Variants in THG1L observed in about 807,000 individuals in gnomAD.
THG1L encodes the protein probable tRNA(His) guanylyltransferase.
A neutral mutation model predicts 35.2 loss-of-function variants in THG1L; 27 were observed. The ratio of observed to expected loss-of-function variants is 0.77; its 90% CI spans 0.57 to 1.06. The LOEUF (loss-of-function observed/expected upper bound fraction) is 1.06, where lower values mean the gene tolerates loss of function less well. Ranked by LOEUF, THG1L falls within the 50% of genes least tolerant of loss-of-function variation. The pLI, the probability that THG1L is intolerant of heterozygous loss-of-function variation, is 0.00. For missense variants in THG1L, 377 were observed against 371.8 expected (o/e 1.01, Z -0.12); for synonymous variants, 135 against 132.4 (o/e 1.02, Z -0.14).
chr5:157,738,695 CT>C (rs1372276054), intron 5 of THG1L: 3 of 419,304 alleles, frequency 7.2e-6, no homozygotes, highest in African/African-American at 4.2e-5. Flanking sequence ...AACATTTATT[CT>C]TTGGTACAGA....
intron 5 of THG1L, among the ~76,000 whole-genome samples, chr5:157,738,322 A>G (rs570327768): frequency 1.3e-5 from 2 of 152,336 alleles, no homozygotes; most frequent in South Asian, 4.1e-4. Flanking sequence ...AAATACTTAA[A>G]AAATACTTTC....
At chr5:157,738,096 C>A (rs1336400879) in intron 5 of THG1L, 102 bp downstream of exon 5, 1 of 866,086 alleles carries the variant, frequency 1.2e-6, no homozygotes, top group East Asian at 2.7e-5. Context: ...TGATGTTACT[C>A]CAGTTGCTAA....
At position 157,739,394 on chromosome 5, in the gene THG1L, C is replaced by T; in HGVS notation, c.809C>T (p.Thr270Ile). Residue 270 changes from threonine (T) to isoleucine (I), a missense_variant, in exon 6 of 6, where the codon ACC (threonine) becomes ATC (isoleucine). Coordinates refer to ENST00000231198, the MANE Select transcript of THG1L (RefSeq NM_017872.5). ...GGAAAAAAGATGGCAGTGACCCGGA[C>T]CAGGACAAAGCCAGTGCCCTTGCAC... ...MEGKKMAVTR[T>I]RTKPVPLHCD... The T allele has an allele frequency of 6.2e-7, 1 of 1,613,946 alleles. No homozygotes were observed.
At chr5:157,737,330 A>G (rs1364276819) in intron 4 of THG1L, among the ~76,000 whole-genome samples, 1 of 152,136 alleles carries the variant, frequency 6.6e-6, no homozygotes, top group Admixed American at 6.5e-5. Context: ...CTTCTCTACA[A>G]AAATTAGCTG....
In THG1L at chr5:157,740,327, A is replaced by G. The variant is rs942783028; in HGVS notation, c.*845A>G. The G allele has an allele frequency of 2.0e-5, 3 of 152,236 alleles. No individual in the cohort carries two copies. The highest frequency in any genetic ancestry group is 7.2e-5 in the African/African-American group (3 of 41,464). The allele number at this position is 152,236 out of a possible 1,614,324, so 9.4% of individuals were successfully genotyped here. A position where few individuals can be genotyped will look rare whatever the true frequency, so the allele number is the denominator to read the frequency against. The stretch of plus-strand genomic sequence containing the variant: ...TGAAAAACATTCTCACATAGCCTCT[A>G]TGTAATCAGACAAATGACATTTGAT... On this transcript the variant is annotated 3_prime_UTR_variant, in exon 6 of 6. Coordinates refer to ENST00000231198, the MANE Select transcript of THG1L (RefSeq NM_017872.5).
In THG1L at chr5:157,734,191, T is replaced by A. The variant is rs1001108891; in HGVS notation, c.369-385T>A. On this transcript the variant is annotated intron_variant, in intron 2 of 5. Transcript: ENST00000231198. ...TGACTTGAGGTCAGAAGTTTGAGAC[T>A]AGCCTGGCCAACATGGTGAAACCCC... Among the ~76,000 whole-genome samples the A allele has an allele frequency of 6.6e-5, 10 of 152,042 alleles. No homozygotes were observed. In the East Asian group the frequency reaches 1.4e-3, roughly 21 times the overall value.
chr5:157,736,235 C>G (rs946657078), intron 4 of THG1L, among the ~76,000 whole-genome samples: 29 of 151,058 alleles, frequency 1.9e-4, no homozygotes, highest in Admixed American at 1.0e-3. Flanking sequence ...TGTATGACTG[C>G]CGTCTTCAGC....
Position 157,731,580 on chromosome 5 carries a change from G to T in THG1L, c.140G>T (p.Cys47Phe). 1.2e-6 allele frequency: 2 copies of T among 1,611,302 alleles called. No homozygotes were observed. The highest frequency in any genetic ancestry group is 1.7e-6 in the Non-Finnish European group (2 of 1,178,700). Reference sequence around the variant, plus strand: ...AGGGACTTCGAGGCTGACGACACCTGCCTGGCACACTGCTGGGTGGTAGTG... The same window carrying T: ...AGGGACTTCGAGGCTGACGACACCTTCCTGGCACACTGCTGGGTGGTAGTG... Reference protein sequence around the residue: ...YVRDFEADDTCLAHCWVVVRL... With the variant: ...YVRDFEADDTFLAHCWVVVRL... Residue 47 changes from cysteine to phenylalanine, a missense_variant, in exon 1 of 6, where the codon TGC (cysteine) becomes TTC (phenylalanine). Transcript: ENST00000231198.
In THG1L at chr5:157,731,637, C is replaced by T. The variant is rs377227705; in HGVS notation, c.191+6C>T. The T allele has an allele frequency of 1.3e-6, 2 of 1,588,142 alleles. No homozygotes were observed. Among genetic ancestry groups the T allele is most frequent in the East Asian group, 2.3e-5 (1 of 43,682 alleles). ...GACGGCCGGAATTTCCATCGGTGAGCGAGCTCGACTCGGGGCGTCGCGATG... is the reference window on the plus strand; with the variant it reads ...GACGGCCGGAATTTCCATCGGTGAGTGAGCTCGACTCGGGGCGTCGCGATG... On this transcript the variant is annotated splice_donor_region_variant and intron_variant, in intron 1 of 5. Coordinates refer to ENST00000231198, the MANE Select transcript of THG1L (RefSeq NM_017872.5).
At position 157,735,139 on chromosome 5, in the gene THG1L, T is replaced by A. The variant is rs56195876; in HGVS notation, c.538+394T>A. Among the ~76,000 whole-genome samples, 646 of 152,230 alleles carry A rather than the reference T, an allele frequency of 4.2e-3. 8 individuals are homozygous for A. The highest frequency in any genetic ancestry group is 0.015 in the African/African-American group (626 of 41,542). ...TTTTAGTAGAAATGGGGTTTCTCCA[T>A]GTTGGTCAGGCTGGTCTTGAACTCC... On this transcript the variant is annotated intron_variant, in intron 3 of 5. Transcript: ENST00000231198.
At chr5:157,738,488 C>T (rs577554827) in intron 5 of THG1L, 3 of 351,652 alleles carry the variant, frequency 8.5e-6, no homozygotes, top group East Asian at 8.2e-5. Flanking sequence ...TAAGTCTGTA[C>T]ATTTACCTAT....
intron 1 of THG1L, among the ~76,000 whole-genome samples, 196 bp from the exon 2 acceptor site, chr5:157,732,672 G>T (rs1022666665): frequency 6.6e-6 from 1 of 152,110 alleles, no homozygotes; most frequent in African/African-American, 2.4e-5. Context: ...TAGCATTTCT[G>T]TCTGGCTTTC....
chr5:157,738,682 C>CTTTGGT, intron 5 of THG1L: 2 of 426,314 alleles, frequency 4.7e-6, no homozygotes, highest in South Asian at 3.5e-5. Context: ...TTGAGTTGTT[C>CTTTGGT]AAAACATTTA....
rs1222024615 is a variant in THG1L at position 157,739,416 on chromosome 5, G to A, written c.831G>A (p.Leu277=). Residue 277 remains leucine, a synonymous_variant, in exon 6 of 6, where the codon TTG becomes TTA. Coordinates refer to ENST00000231198, the MANE Select transcript of THG1L (RefSeq NM_017872.5). ...VTRTRTKPVP[L]HCDIIGDAFW... ...GGACCAGGACAAAGCCAGTGCCCTTGCACTGCGATATCATCGGGGATGCTT... is the reference window on the plus strand; with the variant it reads ...GGACCAGGACAAAGCCAGTGCCCTTACACTGCGATATCATCGGGGATGCTT... The A allele has an allele frequency of 6.2e-7, 1 of 1,613,742 alleles. No homozygotes were observed. The highest frequency in any genetic ancestry group is 1.7e-5 in the Admixed American group (1 of 59,990).
intron 2 of THG1L, 52 bp downstream of exon 2, chr5:157,733,096 G>C: frequency 2.5e-6 from 4 of 1,595,796 alleles, no homozygotes; most frequent in Non-Finnish European, 3.4e-6. Flanking sequence ...CCAGCATCTG[G>C]TTTTCTGTTT....
chr5:157,738,001 C>A lies in THG1L; in HGVS notation c.735+7C>A. On this transcript the variant is annotated splice_region_variant and intron_variant, in intron 5 of 5. Coordinates refer to ENST00000231198, the MANE Select transcript of THG1L (RefSeq NM_017872.5). ...TGTGTTGATATGGCAGAAGGTAATG[C>A]TGTTATGTTCAAAGAAAAATGGAAG... 1 of 1,598,884 alleles carries A rather than the reference C, an allele frequency of 6.3e-7. No individual in the cohort carries two copies. Among genetic ancestry groups the A allele is most frequent in the Admixed American group, 1.7e-5 (1 of 58,992 alleles).
chr5:157,736,003 T>G, intron 4 of THG1L, 69 bp downstream of exon 4: 1 of 1,026,990 alleles, frequency 9.7e-7, no homozygotes, highest in Non-Finnish European at 1.5e-6. Flanking sequence ...ATAACTTTTT[T>G]TTTGTTAAAT....
intron 1 of THG1L, 50 bp from the exon 2 acceptor site, chr5:157,732,818 G>A: frequency 6.2e-7 from 1 of 1,607,600 alleles, no homozygotes; most frequent in Non-Finnish European, 8.5e-7. Flanking sequence ...AGAGCGTGTT[G>A]TTAATGACAG....
intron 4 of THG1L, 98 bp from the exon 5 acceptor site, chr5:157,737,768 TTTGATAAAATCCTTCCACTTC>T (rs2113046395): frequency 1.4e-6 from 1 of 710,534 alleles, no homozygotes; most frequent in South Asian, 1.9e-5. Context: ...CTATAAGATG[TTTGATAAAATCCTTCCACTTC>T]TTGATTGTGG....
Sources: gnomAD v4.1 joint callset for allele counts (sites outside exome capture counted in the v4.1 genomes callset) on GRCh38, gnomAD v4.1.1 for gene constraint, MANE v1.5 for transcripts, NCBI Gene and HGNC (gene_info 2026-07-23, HGNC 2026-07-21) for gene names.